Variants in STXBP6 observed in about 807,000 individuals in gnomAD.
STXBP6 encodes the protein syntaxin-binding protein 6.
Under a neutral mutation model 26.9 loss-of-function variants are expected in STXBP6, and 21 were observed. The ratio of observed to expected loss-of-function variants is 0.78; its 90% CI spans 0.55 to 1.12. The LOEUF (loss-of-function observed/expected upper bound fraction) is 1.12, where lower values mean the gene tolerates loss of function less well. STXBP6 is among the 50% of genes most tolerant of loss of function. STXBP6 has a pLI of 0.00. For missense variants in STXBP6, 232 were observed against 257.9 expected, an observed-to-expected ratio of 0.90 and a Z score of 0.69; for synonymous variants, 97 against 92.6, an observed-to-expected ratio of 1.05 and a Z score of -0.27.
intron 2 of STXBP6, among the ~76,000 whole-genome samples, chr14:24,951,823 G>T (rs2073179349): frequency 1.3e-5 from 2 of 151,736 alleles, no homozygotes; most frequent in Non-Finnish European, 2.9e-5. Flanking sequence ...AATCCTTCTG[G>T]TGTATAAAAT....
chr14:24,850,162 T>C (rs950797222), intron 4 of STXBP6, among the ~76,000 whole-genome samples: 1 of 152,090 alleles, frequency 6.6e-6, no homozygotes, highest in Non-Finnish European at 1.5e-5. Flanking sequence ...ACACCTCACC[T>C]AGGGATGACT....
Position 25,049,471 on chromosome 14 carries a change from A to G in STXBP6, c.-33+407T>C. ...CTGCGCTCAAGCTAGAGGCGCAGCG[A>G]CCCCGAGCTCCCCCACACTGGGAGC... On this transcript the variant is annotated intron_variant, in intron 1 of 5. Transcript: ENST00000323944. This position sits in a 1 kb window ranked among gnomAD's most constrained non-coding sequence, Gnocchi z 5.6. The G allele has an allele frequency of 1.0e-6, 1 of 983,914 alleles. No individual in the cohort carries two copies. Among genetic ancestry groups the G allele is most frequent in the Non-Finnish European group, 1.2e-6 (1 of 829,654 alleles). 60.9% of individuals were successfully genotyped at this position (983,914 alleles called of 1,614,324 possible).
At position 24,812,628 on chromosome 14, in the gene STXBP6, C is replaced by CGGA; in HGVS notation, c.*78_*80dup. ...CAAATATTGGAAAAAAAGAAGCAAG[C>CGGA]GGAGGTCCCGAATTCTTGTAAAAAC... is the stretch of plus-strand genomic sequence containing the variant. On this transcript the variant is annotated 3_prime_UTR_variant, in exon 6 of 6. Transcript: ENST00000323944. 7.2e-7 allele frequency: 1 copy of CGGA among 1,381,370 alleles called. No homozygotes were observed. The highest frequency in any genetic ancestry group is 1.0e-6 in the Non-Finnish European group (1 of 973,086). The allele number at this position is 1,381,370 out of a possible 1,614,324, so 85.6% of individuals were successfully genotyped here. A position where few individuals can be genotyped will look rare whatever the true frequency, so the allele number is the denominator to read the frequency against.
At chr14:24,833,233 T>C (rs1460223607) in intron 4 of STXBP6, among the ~76,000 whole-genome samples, 2 of 152,210 alleles carry the variant, frequency 1.3e-5, no homozygotes, top group African/African-American at 4.8e-5. Flanking sequence ...CTCTGCCTGA[T>C]GTCTCCTCCC....
intron 1 of STXBP6, among the ~76,000 whole-genome samples, chr14:25,023,569 A>G (rs10459543): frequency 0.95 from 145,271 of 152,194 alleles, 69,442 homozygotes; most frequent in East Asian, 1. Flanking sequence ...AACAGTATGG[A>G]AGGCTGAGGT....
chr14:25,002,297 A>C (rs1276311428), intron 1 of STXBP6, among the ~76,000 whole-genome samples: 1 of 151,830 alleles, frequency 6.6e-6, no homozygotes, highest in Non-Finnish European at 1.5e-5. Flanking sequence ...CCTACTTCCA[A>C]CTTTAACAAT....
chr14:24,899,782 AAAAAAAAAAAAAAAAAAGC>A (rs1290194292), intron 2 of STXBP6, among the ~76,000 whole-genome samples: 1 of 95,960 alleles, frequency 1.0e-5, no homozygotes. Context: ...CTACATTTCA[AAAAAAAAAAAAAAAAAAGC>A]AAAAAAAAAA....
intron 1 of STXBP6, among the ~76,000 whole-genome samples, chr14:24,979,711 C>A (rs947903704): frequency 1.3e-5 from 2 of 152,136 alleles, no homozygotes; most frequent in Non-Finnish European, 2.9e-5. Context: ...CTCCCTCAAC[C>A]CTTTCAAATC....
At chr14:24,825,304 AAC>A (rs1226273994) in intron 4 of STXBP6, among the ~76,000 whole-genome samples, 1 of 152,214 alleles carries the variant, frequency 6.6e-6, no homozygotes, top group Non-Finnish European at 1.5e-5. Context: ...TCAATTTAGT[AAC>A]AGACAGGTCA....
intron 5 of STXBP6, among the ~76,000 whole-genome samples, chr14:24,815,219 T>G (rs2067936823): frequency 6.6e-6 from 1 of 152,046 alleles, no homozygotes; most frequent in Non-Finnish European, 1.5e-5. Context: ...TATAAAAAAG[T>G]CTCCAACGCT....
intron 1 of STXBP6, among the ~76,000 whole-genome samples, chr14:25,036,824 C>G (rs1028144701): frequency 3.4e-5 from 5 of 147,272 alleles, no homozygotes; most frequent in East Asian, 2.0e-4. Flanking sequence ...CCACAGCACT[C>G]CAGCCTGGGC....
At position 24,881,414 on chromosome 14, in the gene STXBP6, C is replaced by T. The variant is rs562598862; in HGVS notation, c.155-24257G>A. Among the ~76,000 whole-genome samples, 6 of 152,286 alleles carry T rather than the reference C, an allele frequency of 3.9e-5. No homozygotes were observed. The South Asian group carries it at 1.0e-3, about 26-fold the overall frequency. On this transcript the variant is annotated intron_variant, in intron 2 of 5. Transcript: ENST00000323944. ...AAAATAACTCAAGTATTTGAGACTC[C>T]ATTCAAAATACCATGAAAAAGGCAT...
At chr14:24,832,371 G>A (rs1405712199) in intron 4 of STXBP6, among the ~76,000 whole-genome samples, 1 of 152,188 alleles carries the variant, frequency 6.6e-6, no homozygotes. Context: ...TTTGGTGAAT[G>A]TGAAATTGAG....
chr14:25,011,982 G>A (rs945925478), intron 1 of STXBP6, among the ~76,000 whole-genome samples: 1 of 152,168 alleles, frequency 6.6e-6, no homozygotes, highest in Non-Finnish European at 1.5e-5. Context: ...AGTACTGGCT[G>A]TTTTTTGTTT....
At chr14:24,876,782 A>C (rs1351750066) in intron 2 of STXBP6, among the ~76,000 whole-genome samples, 1 of 152,250 alleles carries the variant, frequency 6.6e-6, no homozygotes, top group Non-Finnish European at 1.5e-5. Flanking sequence ...ACTGGATTTT[A>C]ACAGCTTCAA....
chr14:24,890,496 A>T (rs1160136340), intron 2 of STXBP6, among the ~76,000 whole-genome samples: 1 of 152,222 alleles, frequency 6.6e-6, no homozygotes, highest in Non-Finnish European at 1.5e-5. Context: ...AAAACTAAAA[A>T]AAAATTAATT....
intron 2 of STXBP6, among the ~76,000 whole-genome samples, chr14:24,880,190 C>G (rs2070304373): frequency 6.6e-6 from 1 of 152,160 alleles, no homozygotes; most frequent in African/African-American, 2.4e-5. Flanking sequence ...TACTAATTCA[C>G]TATATTGTTC....
At chr14:24,833,936 G>T (rs968307228) in intron 4 of STXBP6, among the ~76,000 whole-genome samples, 2 of 152,152 alleles carry the variant, frequency 1.3e-5, no homozygotes, top group African/African-American at 4.8e-5. Context: ...TATAGAGGAA[G>T]GCACGATTTT....
At chr14:24,816,425 T>C (rs1432587935) in intron 5 of STXBP6, 1 of 152,076 alleles carries the variant, frequency 6.6e-6, no homozygotes, top group Non-Finnish European at 1.5e-5. Flanking sequence ...ATCTGCTTGT[T>C]AGGAATACTG....
Sources: gnomAD v4.1 joint callset for allele counts (sites outside exome capture counted in the v4.1 genomes callset) on GRCh38, gnomAD v4.1.1 for gene constraint, Gnocchi (gnomAD v3.1) non-coding constraint, MANE v1.5 for transcripts, NCBI Gene and HGNC (gene_info 2026-07-23, HGNC 2026-07-21) for gene names.